Variants in HINT1 observed in about 807,000 individuals in gnomAD.
The protein encoded by HINT1 is adenosine 5'-monophosphoramidase HINT1.
In HINT1, 12 loss-of-function variants were observed where a neutral mutation model predicts 11.2. The observed-to-expected ratio is 1.07, with a 90% CI of 0.69 to 1.74. The LOEUF is 1.74. Among genes scored for constraint, HINT1 ranks in the 40% most tolerant of loss-of-function variants. The pLI is 0.00. For missense variants in HINT1, 150 were observed against 161.8 expected (o/e 0.93, Z 0.40); for synonymous variants, 42 against 52.6 (o/e 0.80, Z 0.87).
intron 2 of HINT1, chr5:131,161,021 GT>G: frequency 3.4e-6 from 1 of 296,462 alleles, no homozygotes; most frequent in South Asian, 2.7e-5. Flanking sequence ...TTATCAGCAT[GT>G]AAGCCCATCT....
At position 131,165,171 on chromosome 5, in the gene HINT1, C is replaced by T. The variant is rs982339258; in HGVS notation, c.35G>A (p.Arg12Gln). 6.2e-7 allele frequency: 1 copy of T among 1,610,870 alleles called. No homozygotes were observed. Residue 12 changes from arginine (R) to glutamine (Q), a missense_variant, in exon 1 of 3, where the codon CGG (arginine) becomes CAG (glutamine). Physicochemically the swap from Arg to Gln is conservative, Grantham distance 43. Transcript: ENST00000304043. ...CCCAAAGATCGTGTCGCCACCAGGC[C>T]GAGCGACCTGAGCCTTGGCAATCTC... ...ADEIAKAQVA[R>Q]PGGDTIFGKI...
Position 131,162,548 on chromosome 5 carries a change from A to G in HINT1, c.216+24T>C, listed in dbSNP as rs763997479. ...CTCACAATTTAAAAAGCAAGAAAATAAATCATGTTAGAAATGTACTTACAC... is the reference window on the plus strand; with the variant it reads ...CTCACAATTTAAAAAGCAAGAAAATGAATCATGTTAGAAATGTACTTACAC... On this transcript the variant is annotated intron_variant, in intron 2 of 2. Coordinates refer to ENST00000304043, the MANE Select transcript of HINT1 (RefSeq NM_005340.7). The G allele has an allele frequency of 1.9e-5, 30 of 1,606,388 alleles. No individual in the cohort carries two copies. In the Admixed American group the frequency reaches 5.0e-4, roughly 27 times the overall value.
intron 1 of HINT1, among the ~76,000 whole-genome samples, chr5:131,163,722 T>C (rs1561537712): frequency 1.3e-5 from 2 of 152,240 alleles, no homozygotes; most frequent in Admixed American, 1.3e-4. Context: ...AGAGTATATA[T>C]ATGATATTCT....
At chr5:131,164,690 CA>C in intron 1 of HINT1, among the ~76,000 whole-genome samples, 1 of 152,326 alleles carries the variant, frequency 6.6e-6, no homozygotes, top group East Asian at 1.9e-4. Context: ...GGGCCTGAGT[CA>C]GGGCGCGATC....
At chr5:131,163,019 TAG>T (rs1755297330) in intron 1 of HINT1, among the ~76,000 whole-genome samples, 1 of 152,108 alleles carries the variant, frequency 6.6e-6, no homozygotes, top group Non-Finnish European at 1.5e-5. Flanking sequence ...TGTGTTTTTG[TAG>T]AGACGGGGTT....
intron 1 of HINT1, among the ~76,000 whole-genome samples, chr5:131,164,499 AGATAGG>A (rs1314353412): frequency 1.3e-5 from 2 of 152,098 alleles, no homozygotes; most frequent in Non-Finnish European, 2.9e-5. Context: ...CTTGGGGTGG[AGATAGG>A]GATAGGGGTA....
chr5:131,164,701 C>T (rs1313911527), intron 1 of HINT1, among the ~76,000 whole-genome samples: 1 of 152,176 alleles, frequency 6.6e-6, no homozygotes, highest in African/African-American at 2.4e-5. Context: ...AGGGCGCGAT[C>T]GGGTTTCTCT....
Position 131,159,261 on chromosome 5 carries a change from C to A in HINT1, c.*186G>T. The A allele has an allele frequency of 4.2e-6, 2 of 480,708 alleles. No homozygotes were observed. The highest frequency in any genetic ancestry group is 4.7e-5 in the South Asian group (1 of 21,416). The allele number at this position is 480,708 out of a possible 1,614,324, so 29.8% of individuals were successfully genotyped here. On this transcript the variant is annotated 3_prime_UTR_variant, in exon 3 of 3. Coordinates refer to ENST00000304043, the MANE Select transcript of HINT1 (RefSeq NM_005340.7). ...TCCAACAAATATGTTTTTAAAATAA[C>A]AAATCAAACGCAACACTCAGAGAGA...
chr5:131,162,356 G>C, intron 2 of HINT1: 1 of 885,758 alleles, frequency 1.1e-6, no homozygotes, highest in South Asian at 1.4e-5. Flanking sequence ...GTGTTGATAA[G>C]GATACGGAGA....
At chr5:131,159,867 TA>T (rs1488519087) in intron 2 of HINT1, among the ~76,000 whole-genome samples, 1 of 152,114 alleles carries the variant, frequency 6.6e-6, no homozygotes, top group Non-Finnish European at 1.5e-5. Flanking sequence ...CTTTTTTTTT[TA>T]AGAGATGGGG....
At chr5:131,161,120 G>A (rs562476693) in intron 2 of HINT1, among the ~76,000 whole-genome samples, 46 of 152,132 alleles carry the variant, frequency 3.0e-4, no homozygotes, top group Non-Finnish European at 4.6e-4. Context: ...CGGTTTTAAA[G>A]CTGGTTCAGT....
chr5:131,162,192 C>T (rs1276111207), intron 2 of HINT1: 17 of 517,128 alleles, frequency 3.3e-5, no homozygotes, highest in African/African-American at 1.7e-4. Context: ...GCCTTGGTGG[C>T]GGGCGCCTGT....
chr5:131,164,989 C>A (rs940454651), intron 1 of HINT1, 106 bp downstream of exon 1: 11 of 1,510,616 alleles, frequency 7.3e-6, no homozygotes, highest in Non-Finnish European at 9.0e-6. Flanking sequence ...AGGTCCCCTC[C>A]CGTCGCCGCT....
At position 131,165,213 on chromosome 5, in the gene HINT1, T is replaced by G. The variant is rs938213228; in HGVS notation, c.-8A>C. On this transcript the variant is annotated 5_prime_UTR_variant, in exon 1 of 3. Transcript: ENST00000304043. ...GGCAATCTCATCTGCCATCTCGGCC[T>G]CTCTCCCGCGCGGCGGCCAGAGGAG... 3.7e-6 allele frequency: 6 copies of G among 1,603,634 alleles called. No individual in the cohort carries two copies. Among genetic ancestry groups the G allele is most frequent in the Non-Finnish European group, 5.1e-6 (6 of 1,179,604 alleles).
rs1188578380 is a variant in HINT1, at chr5:131,162,297, C to T, written c.216+275G>A. The T allele has an allele frequency of 2.3e-5, 15 of 648,456 alleles. 1 individual carries two copies. Among genetic ancestry groups the T allele is most frequent in the Middle Eastern group, 5.7e-4 (2 of 3,518 alleles). 40.2% of individuals were successfully genotyped at this position (648,456 alleles called of 1,614,324 possible). A position where few individuals can be genotyped will look rare whatever the true frequency, so the allele number is the denominator to read the frequency against. On this transcript the variant is annotated intron_variant, in intron 2 of 2. Coordinates refer to ENST00000304043, the MANE Select transcript of HINT1 (RefSeq NM_005340.7). The stretch of plus-strand genomic sequence containing the variant: ...GAGTGCCACTGCACTGCAGCCTGGG[C>T]GACAGAGCAAGACTCTGTCTCAAAA...
intron 2 of HINT1, chr5:131,160,739 C>T: frequency 9.3e-7 from 1 of 1,079,458 alleles, no homozygotes; most frequent in East Asian, 5.9e-5. Flanking sequence ...TTCAACTTTA[C>T]AATGGTGTGG....
chr5:131,162,324 A>C (rs1755274027), intron 2 of HINT1: 1 of 768,286 alleles, frequency 1.3e-6, no homozygotes, highest in Non-Finnish European at 2.1e-6. Context: ...GTCTCAAAAA[A>C]AAAAAAAAAA....
chr5:131,164,775 G>C (rs1424162380), intron 1 of HINT1, among the ~76,000 whole-genome samples: 3 of 152,136 alleles, frequency 2.0e-5, no homozygotes. Context: ...GAGGCAGCCG[G>C]GGAACCGGCG....
chr5:131,159,075 C>A lies in HINT1; in HGVS notation c.*372G>T. ...AAAATCTAAGTTGGACCTATTTTAG[C>A]CTGGAAAGATATTTCGAAGTTAAAG... On this transcript the variant is annotated 3_prime_UTR_variant, in exon 3 of 3. Coordinates refer to ENST00000304043, the MANE Select transcript of HINT1 (RefSeq NM_005340.7). The A allele has an allele frequency of 6.3e-6, 1 of 158,180 alleles. No homozygotes were observed. Among genetic ancestry groups the A allele is most frequent in the Non-Finnish European group, 1.4e-5 (1 of 71,798 alleles). The allele number at this position is 158,180 out of a possible 1,614,324, so 9.8% of individuals were successfully genotyped here. A position where few individuals can be genotyped will look rare whatever the true frequency, so the allele number is the denominator to read the frequency against.
Sources: gnomAD v4.1 joint callset for allele counts (sites outside exome capture counted in the v4.1 genomes callset) on GRCh38, gnomAD v4.1.1 for gene constraint, MANE v1.5 for transcripts, NCBI Gene and HGNC (gene_info 2026-07-23, HGNC 2026-07-21) for gene names.